WDR19: variants seen among roughly 807,000 people sequenced by gnomAD.
WDR19 encodes the protein WD repeat-containing protein 19.
A neutral mutation model predicts 180.0 loss-of-function variants in WDR19; 121 were observed. That is an observed-to-expected ratio of 0.67 (90% CI 0.58 to 0.78). The LOEUF (loss-of-function observed/expected upper bound fraction) is 0.78. Among genes scored for constraint, WDR19 ranks in the 30% least tolerant of loss-of-function variants. The pLI is 0.00. For synonymous variants in WDR19, 497 were observed against 540.7 expected (o/e 0.92, Z 1.12); for missense variants, 1,450 against 1,640.7 (o/e 0.88, Z 2.01).
Position 39,228,481 on chromosome 4 carries a change from T to C in WDR19, c.1778-5T>C. On this transcript the variant is annotated splice_region_variant and splice_polypyrimidine_tract_variant and intron_variant, in intron 16 of 36. Coordinates refer to ENST00000399820, the MANE Select transcript of WDR19 (RefSeq NM_025132.4). ...CAGCATTGCGATGTCTGTTTTATAA[T>C]GTAGGAGCCAAGGTTATTTTGGCTG... The C allele has an allele frequency of 6.2e-7, 1 of 1,613,460 alleles. No homozygotes were observed. Among genetic ancestry groups the C allele is most frequent in the South Asian group, 1.1e-5 (1 of 90,938 alleles).
At chr4:39,268,211 A>G in intron 30 of WDR19, 120 bp downstream of exon 30, 1 of 734,906 alleles carries the variant, frequency 1.4e-6, no homozygotes, top group Non-Finnish European at 2.1e-6. Context: ...TTTGAACCCA[A>G]AAGACTAAAG....
intron 36 of WDR19, 50 bp from the exon 37 acceptor site, chr4:39,285,437 C>A (rs1737100121): frequency 6.6e-6 from 1 of 152,156 alleles, no homozygotes; most frequent in African/African-American, 2.4e-5. Flanking sequence ...TAAATGCCAG[C>A]CATTACTTGA....
chr4:39,239,641 T>G (rs1731709510), intron 20 of WDR19, among the ~76,000 whole-genome samples: 1 of 152,182 alleles, frequency 6.6e-6, no homozygotes, highest in African/African-American at 2.4e-5. Flanking sequence ...GTAACAAAGC[T>G]GCACATCCTG....
chr4:39,211,374 G>C (rs78474458), intron 9 of WDR19, among the ~76,000 whole-genome samples: 3,186 of 152,230 alleles, frequency 0.021, 110 homozygotes, highest in African/African-American at 0.073. Flanking sequence ...ACGGCACTCA[G>C]ATTAGAAAGG....
At chr4:39,278,349 C>T in intron 35 of WDR19, 142 bp downstream of exon 35, 1 of 901,432 alleles carries the variant, frequency 1.1e-6, no homozygotes, top group African/African-American at 1.7e-5. Flanking sequence ...GAAGAACCTC[C>T]TGTGACCTTT....
Position 39,205,148 on chromosome 4 carries a change from TGG to T in WDR19, c.604-5_604-4del, listed in dbSNP as rs747438345. ...CATTTCACAATCTCCTAATCTTTTCTGGCAGATAAGTGTGGTGCTTGGCAAGA... is the reference window on the plus strand; with the variant it reads ...CATTTCACAATCTCCTAATCTTTTCTCAGATAAGTGTGGTGCTTGGCAAGA... On this transcript the variant is annotated splice_polypyrimidine_tract_variant and splice_region_variant and intron_variant, in intron 7 of 36. Coordinates refer to ENST00000399820, the MANE Select transcript of WDR19 (RefSeq NM_025132.4). 6.5e-5 allele frequency: 101 copies of T among 1,565,722 alleles called. No homozygotes were observed. The highest frequency in any genetic ancestry group is 8.5e-5 in the Non-Finnish European group (98 of 1,152,278).
chr4:39,250,096 A>G (rs1467512194), intron 24 of WDR19, among the ~76,000 whole-genome samples: 2 of 152,166 alleles, frequency 1.3e-5, no homozygotes, highest in Non-Finnish European at 1.5e-5. Flanking sequence ...AAAATCCTCA[A>G]TAAAATACTG....
At chr4:39,279,398 C>T (rs1736233613) in intron 36 of WDR19, among the ~76,000 whole-genome samples, 1 of 152,260 alleles carries the variant, frequency 6.6e-6, no homozygotes, top group Non-Finnish European at 1.5e-5. Flanking sequence ...CTCTCACCCT[C>T]AGCCCCCATG....
At chr4:39,208,951 T>C (rs1181923462) in intron 9 of WDR19, among the ~76,000 whole-genome samples, 2 of 152,182 alleles carry the variant, frequency 1.3e-5, no homozygotes, top group South Asian at 4.1e-4. Context: ...ACAACTGTAA[T>C]GTATAGAACC....
chr4:39,208,167 C>G (rs1240961959), intron 9 of WDR19, among the ~76,000 whole-genome samples: 1 of 151,542 alleles, frequency 6.6e-6, no homozygotes, highest in Non-Finnish European at 1.5e-5. Flanking sequence ...CAAATCTAAA[C>G]AAAGGAAAGA....
chr4:39,244,480 A>T lies in WDR19; in HGVS notation c.2573A>T (p.Glu858Val). ...AILENMKQFS[E>V]AAQLYEKGLY... ...CCTGTCTTATTTTAGCAATTTTCAGAAGCGGCCCAACTGTATGAAAAAGGT... is the reference window on the plus strand; with the variant it reads ...CCTGTCTTATTTTAGCAATTTTCAGTAGCGGCCCAACTGTATGAAAAAGGT... The change falls in exon 23 of 37, where the codon GAA becomes GTA. Residue 858 changes from glutamate (E) to valine (V), a missense_variant. Physicochemically the swap from Glu to Val is moderately radical, Grantham distance 121. Transcript: ENST00000399820. 6.2e-7 allele frequency: 1 copy of T among 1,613,994 alleles called. No homozygotes were observed. The highest frequency in any genetic ancestry group is 8.5e-7 in the Non-Finnish European group (1 of 1,179,894).
At chr4:39,200,619 G>A (rs902776346) in intron 6 of WDR19, among the ~76,000 whole-genome samples, 7 of 152,184 alleles carry the variant, frequency 4.6e-5, no homozygotes, top group Non-Finnish European at 1.0e-4. Context: ...TCACAACACA[G>A]CAGCTGGTGA....
intron 20 of WDR19, among the ~76,000 whole-genome samples, chr4:39,238,434 G>A (rs1731582460): frequency 6.6e-6 from 1 of 152,180 alleles, no homozygotes; most frequent in Non-Finnish European, 1.5e-5. Context: ...TAAAGTGAGA[G>A]TTCCAAAGTA....
At chr4:39,241,843 C>G (rs1731990404) in intron 21 of WDR19, among the ~76,000 whole-genome samples, 1 of 150,438 alleles carries the variant, frequency 6.6e-6, no homozygotes, top group Non-Finnish European at 1.5e-5. Flanking sequence ...CCAATATTCT[C>G]TCCTCCATCC....
intron 18 of WDR19, 91 bp downstream of exon 18, chr4:39,232,047 C>T: frequency 6.5e-7 from 1 of 1,534,006 alleles, no homozygotes; most frequent in Non-Finnish European, 9.0e-7. Context: ...AATCTTACCT[C>T]TTAAACAAGT....
intron 15 of WDR19, among the ~76,000 whole-genome samples, chr4:39,226,638 T>C (rs1304562010): frequency 6.6e-6 from 1 of 152,210 alleles, no homozygotes; most frequent in African/African-American, 2.4e-5. Flanking sequence ...GGCAGATTTC[T>C]CTGTACTTTA....
chr4:39,185,982 G>A (rs528981109), intron 2 of WDR19, among the ~76,000 whole-genome samples, 165 bp downstream of exon 2: 3 of 151,326 alleles, frequency 2.0e-5, no homozygotes, highest in Admixed American at 6.6e-5. Context: ...TGCAACCTCC[G>A]CCTCCCAGGT....
intron 21 of WDR19, among the ~76,000 whole-genome samples, chr4:39,243,946 A>G (rs1239619071): frequency 3.3e-5 from 5 of 152,222 alleles, no homozygotes; most frequent in Non-Finnish European, 7.3e-5. Context: ...TATGCTATAT[A>G]GCCAGTATAT....
chr4:39,284,429 C>T (rs1252147176), intron 36 of WDR19, among the ~76,000 whole-genome samples: 1 of 145,742 alleles, frequency 6.9e-6, no homozygotes, highest in Non-Finnish European at 1.5e-5. Flanking sequence ...GCCTCAAACT[C>T]CTGGGCTCAA....
Sources: gnomAD v4.1 joint callset for allele counts (sites outside exome capture counted in the v4.1 genomes callset) on GRCh38, gnomAD v4.1.1 for gene constraint, MANE v1.5 for transcripts, NCBI Gene and HGNC (gene_info 2026-07-23, HGNC 2026-07-21) for gene names.